Variants in FAM184B observed in about 807,000 individuals in gnomAD.
FAM184B encodes family with sequence similarity 184 member B, also known as protein FAM184B.
Under a neutral mutation model 135.9 loss-of-function variants are expected in FAM184B, and 111 were observed. The observed-to-expected ratio is 0.82, with a 90% CI of 0.70 to 0.96. The LOEUF (loss-of-function observed/expected upper bound fraction) is 0.96. Ranked by LOEUF, FAM184B falls within the 40% of genes least tolerant of loss-of-function variation. The pLI is 0.00. For synonymous variants in FAM184B, 552 were observed against 524.8 expected, an observed-to-expected ratio of 1.05 and a Z score of -0.71; for missense variants, 1,375 against 1,323.9, an observed-to-expected ratio of 1.04 and a Z score of -0.60.
intron 11 of FAM184B, 86 bp downstream of exon 11, chr4:17,652,744 A>G: frequency 6.9e-7 from 1 of 1,447,996 alleles, no homozygotes; most frequent in Non-Finnish European, 9.3e-7. Context: ...AGAACCCTGG[A>G]GCCCTGGCCC....
chr4:17,635,109 T>G lies in FAM184B; in HGVS notation c.2789A>C (p.Glu930Ala). 1 of 1,551,254 alleles carries G rather than the reference T, an allele frequency of 6.4e-7. No individual in the cohort carries two copies. The highest frequency in any genetic ancestry group is 8.7e-7 in the Non-Finnish European group (1 of 1,146,606). Residue 930 changes from glutamate to alanine, a missense_variant, in exon 16 of 18, where the codon GAG becomes GCG. Coordinates refer to ENST00000265018, the MANE Select transcript of FAM184B (RefSeq NM_015688.2). ...REDIIKQLTE[E>A]RRFHYAAFPS... Reference sequence around the variant, plus strand: ...GAATGCTGCGTAGTGAAATCTTCTCTCTTCCTAGAAAACCAATACAACTGA... The same window carrying G: ...GAATGCTGCGTAGTGAAATCTTCTCGCTTCCTAGAAAACCAATACAACTGA...
intron 7 of FAM184B, among the ~76,000 whole-genome samples, chr4:17,678,084 G>A (rs1017569944): frequency 2.0e-5 from 3 of 152,068 alleles, no homozygotes; most frequent in African/African-American, 7.2e-5. Flanking sequence ...GGGAAAAGTG[G>A]AAAGCATTCC....
At chr4:17,775,437 G>A (rs942835688) in intron 1 of FAM184B, among the ~76,000 whole-genome samples, 31 of 152,072 alleles carry the variant, frequency 2.0e-4, no homozygotes, top group African/African-American at 6.8e-4. Flanking sequence ...TGCCCGCCTC[G>A]GCCTCCCAAA....
chr4:17,729,182 T>G (rs1019098220), intron 1 of FAM184B, among the ~76,000 whole-genome samples: 1 of 152,076 alleles, frequency 6.6e-6, no homozygotes, highest in Non-Finnish European at 1.5e-5. Context: ...AACTGCAAGG[T>G]GGCAGCAATG....
At chr4:17,654,544 C>T (rs1180658973) in intron 10 of FAM184B, among the ~76,000 whole-genome samples, 1 of 152,222 alleles carries the variant, frequency 6.6e-6, no homozygotes, top group South Asian at 2.1e-4. Context: ...AGGCAGGGAA[C>T]CTGCCTGCAG....
At chr4:17,696,633 G>A (rs781665288) in intron 5 of FAM184B, among the ~76,000 whole-genome samples, 6 of 152,120 alleles carry the variant, frequency 3.9e-5, no homozygotes, top group Non-Finnish European at 7.4e-5. Context: ...GCAACACAGC[G>A]AGACGCTATC....
Position 17,705,769 on chromosome 4 carries a change from C to G in FAM184B, c.1153G>C (p.Gly385Arg). The G allele has an allele frequency of 6.4e-7, 1 of 1,551,802 alleles. No individual in the cohort carries two copies. The highest frequency in any genetic ancestry group is 2.4e-5 in the East Asian group (1 of 40,926). The change falls in exon 4 of 18, where the codon GGA becomes CGA. Residue 385 changes from glycine to arginine, a missense_variant. By Grantham distance (125) the Gly-to-Arg change is moderately radical. Transcript: ENST00000265018. ...GACACTACCTGCATATCTGTGCCTC[C>G]TTTCATGCAAGGGCACTCCTTGAGA... ...SCLKECPCMK[G>R]GTDMQTKKEA... is the part of the protein sequence containing the mutation.
At chr4:17,644,814 T>C (rs978539314) in intron 12 of FAM184B, among the ~76,000 whole-genome samples, 12 of 152,320 alleles carry the variant, frequency 7.9e-5, no homozygotes, top group African/African-American at 2.9e-4. Flanking sequence ...GCAGACGACA[T>C]GATTGTATAT....
At chr4:17,729,422 G>A (rs1460396884) in intron 1 of FAM184B, among the ~76,000 whole-genome samples, 2 of 152,230 alleles carry the variant, frequency 1.3e-5, no homozygotes, top group Non-Finnish European at 2.9e-5. Context: ...GCATGCAGCT[G>A]GAGATCTGAG....
At chr4:17,732,981 A>C (rs1274722858) in intron 1 of FAM184B, among the ~76,000 whole-genome samples, 1 of 152,196 alleles carries the variant, frequency 6.6e-6, no homozygotes, top group East Asian at 1.9e-4. Flanking sequence ...CAAAAAGCTT[A>C]TCCACCATGA....
intron 11 of FAM184B, among the ~76,000 whole-genome samples, chr4:17,648,379 G>T (rs1715522880): frequency 6.6e-6 from 1 of 151,860 alleles, no homozygotes; most frequent in Non-Finnish European, 1.5e-5. Flanking sequence ...TGGAGTCTCG[G>T]TTTGTTTCCC....
intron 1 of FAM184B, among the ~76,000 whole-genome samples, chr4:17,749,544 TA>T (rs1487260948): frequency 9.8e-5 from 15 of 152,326 alleles, no homozygotes; most frequent in African/African-American, 3.6e-4. Flanking sequence ...ATTGGATTAT[TA>T]AAAACTATCA....
chr4:17,745,843 T>A (rs1373576658), intron 1 of FAM184B, among the ~76,000 whole-genome samples: 4 of 152,208 alleles, frequency 2.6e-5, no homozygotes, highest in Non-Finnish European at 5.9e-5. Flanking sequence ...TTTGTGATTT[T>A]AGAGAGTTAT....
At chr4:17,748,526 T>C in intron 1 of FAM184B, among the ~76,000 whole-genome samples, 1 of 106,338 alleles carries the variant, frequency 9.4e-6, no homozygotes, top group African/African-American at 3.0e-5. Flanking sequence ...TTTTTTTTTT[T>C]TTTTTTAGAC....
At chr4:17,685,558 C>CAAAAAA (rs11350244) in intron 7 of FAM184B, among the ~76,000 whole-genome samples, 1 of 86,760 alleles carries the variant, frequency 1.2e-5, no homozygotes, top group Non-Finnish European at 2.2e-5. Context: ...GACTCTGTCT[C>CAAAAAA]AAAAAAAAAA....
chr4:17,630,684 G>A lies in FAM184B; in HGVS notation c.*1848C>T, dbSNP rs1293956183. The A allele has an allele frequency of 6.6e-6, 1 of 152,164 alleles. No homozygotes were observed. Among genetic ancestry groups the A allele is most frequent in the African/African-American group, 2.4e-5 (1 of 41,430 alleles). 9.4% of individuals were successfully genotyped at this position (152,164 alleles called of 1,614,324 possible). On this transcript the variant is annotated 3_prime_UTR_variant, in exon 18 of 18. Coordinates refer to ENST00000265018, the MANE Select transcript of FAM184B (RefSeq NM_015688.2). ...ATGGTGTGTTAATGTATGGTGACAA[G>A]TGTTTGTTTGCATTTAAAAATGCAT...
At position 17,642,136 on chromosome 4, in the gene FAM184B, C is replaced by T; in HGVS notation, c.2439G>A (p.Gln813=). ...GCAGCCGCCGCACCGCGTCCTGGAG[C>T]TGCGCGTTCTCCTCCCAGAGCCCGC... ...EGCGLWEENA[Q]LQDAVRRLRA... The change falls in exon 13 of 18, where the codon CAG becomes CAA. Residue 813 remains glutamine (Q), a synonymous_variant. Transcript: ENST00000265018. 6.5e-7 allele frequency: 1 copy of T among 1,533,696 alleles called. No individual in the cohort carries two copies. Among genetic ancestry groups the T allele is most frequent in the Non-Finnish European group, 8.7e-7 (1 of 1,145,588 alleles).
At chr4:17,758,765 T>C (rs1331347822) in intron 1 of FAM184B, among the ~76,000 whole-genome samples, 2 of 152,186 alleles carry the variant, frequency 1.3e-5, no homozygotes, top group African/African-American at 4.8e-5. Context: ...CAACAATATG[T>C]TCCCCCTTCC....
At position 17,693,396 on chromosome 4, in the gene FAM184B, A is replaced by T. The variant is rs1049670054; in HGVS notation, c.1394T>A (p.Leu465Ter). Residue 465 changes from leucine (L) to a stop codon, truncating the protein, a stop_gained, in exon 6 of 18, where the codon TTG (leucine) becomes TAG (stop). Transcript: ENST00000265018. LOFTEE classifies it high-confidence loss of function. ...TTCTGATTTCTTCCTCACTTCCTCC[A>T]ACTGTGCTTCTACTTCCTAAATGAT... The part of the protein sequence containing the change: ...KKLQREVEAQ[L>*]EEVRKKSEKE... 1 of 1,551,568 alleles carries T rather than the reference A, an allele frequency of 6.4e-7. No individual in the cohort carries two copies. The highest frequency in any genetic ancestry group is 8.7e-7 in the Non-Finnish European group (1 of 1,146,942).
Sources: gnomAD v4.1 joint callset for allele counts (sites outside exome capture counted in the v4.1 genomes callset) on GRCh38, gnomAD v4.1.1 for gene constraint, MANE v1.5 for transcripts, NCBI Gene and HGNC (gene_info 2026-07-23, HGNC 2026-07-21) for gene names.